The following IL1RL2 variants were observed in gnomAD, a reference collection of about 807,000 sequenced individuals.
IL1RL2 encodes interleukin-1 receptor-like 2.
IL1RL2 carries 68 observed loss-of-function variants against 66.8 expected under a neutral mutation model. The observed-to-expected ratio is 1.02, with a 90% CI of 0.84 to 1.25. IL1RL2 has a LOEUF of 1.25. IL1RL2 is among the 50% of genes most tolerant of loss of function. IL1RL2 has a pLI of 0.00. For synonymous variants in IL1RL2, 305 were observed against 264.6 expected, an observed-to-expected ratio of 1.15 and a Z score of -1.48; for missense variants, 729 against 709.3, an observed-to-expected ratio of 1.03 and a Z score of -0.32.
downstream of IL1RL2, among the ~76,000 whole-genome samples, chr2:102,240,254 G>A (rs2104917548): frequency 1.3e-5 from 2 of 151,660 alleles, no homozygotes; most frequent in Middle Eastern, 3.5e-3. Context: ...CTTAGTAGAT[G>A]GACTGTTTCT....
In IL1RL2 at chr2:102,225,965, G is replaced by T; in HGVS notation, c.1059G>T (p.Val353=). ...IALVAVAVSV[V]YIYNIFKIDI... ...TGGTGGCTGTGGCTGTGTCTGTTGTGTACATATACAACATTTTTAAGATCG... is the reference window on the plus strand; with the variant it reads ...TGGTGGCTGTGGCTGTGTCTGTTGTTTACATATACAACATTTTTAAGATCG... The change falls in exon 9 of 12, where the codon GTG becomes GTT. Residue 353 remains valine, a synonymous_variant. Transcript: ENST00000264257. 1 of 1,610,616 alleles carries T rather than the reference G, an allele frequency of 6.2e-7. No homozygotes were observed. The highest frequency in any genetic ancestry group is 2.2e-5 in the East Asian group (1 of 44,624).
At chr2:102,229,423 G>T (rs564483840) in intron 9 of IL1RL2, among the ~76,000 whole-genome samples, 1 of 152,196 alleles carries the variant, frequency 6.6e-6, no homozygotes, top group Non-Finnish European at 1.5e-5. Context: ...CACAGCAAAA[G>T]GAGCGGTGGA....
rs372879101 is a variant in IL1RL2 at position 102,235,115 on chromosome 2, C to G, written c.1516C>G (p.Gln506Glu). The G allele has an allele frequency of 1.9e-6, 3 of 1,614,128 alleles. No individual in the cohort carries two copies. Among genetic ancestry groups the G allele is most frequent in the Non-Finnish European group, 1.7e-6 (2 of 1,180,058 alleles). The part of the protein sequence containing the change: ...VMPESIQYIK[Q>E]KHGAIRWHGD... Reference sequence around the variant, plus strand: ...GCCAGAGTCAATTCAGTACATCAAACAGAAGCATGGTGCCATCCGGTGGCA... The same window carrying G: ...GCCAGAGTCAATTCAGTACATCAAAGAGAAGCATGGTGCCATCCGGTGGCA... Residue 506 changes from glutamine (Q) to glutamate (E), a missense_variant, in exon 11 of 12, where the codon CAG becomes GAG. Coordinates refer to ENST00000264257, the MANE Select transcript of IL1RL2 (RefSeq NM_003854.4).
chr2:102,241,013 C>A (rs756683622), downstream of IL1RL2, among the ~76,000 whole-genome samples: 16 of 152,262 alleles, frequency 1.1e-4, no homozygotes, highest in Non-Finnish European at 2.4e-4. Context: ...CCTCTAGTGG[C>A]TGCTGAGGAA....
intron 6 of IL1RL2, among the ~76,000 whole-genome samples, chr2:102,217,080 T>C (rs1689676123): frequency 6.6e-6 from 1 of 152,192 alleles, no homozygotes; most frequent in Admixed American, 6.5e-5. Flanking sequence ...CATGTTTTTA[T>C]GATGGTAATT....
chr2:102,190,945 G>A (rs111329450), intron 3 of IL1RL2, among the ~76,000 whole-genome samples: 107 of 152,262 alleles, frequency 7.0e-4, no homozygotes, highest in African/African-American at 2.5e-3. Flanking sequence ...GATAGGATAC[G>A]TGTTTAGGAA....
At chr2:102,231,778 G>A (rs1331994066) in intron 9 of IL1RL2, among the ~76,000 whole-genome samples, 2 of 152,124 alleles carry the variant, frequency 1.3e-5, no homozygotes, top group Non-Finnish European at 2.9e-5. Context: ...ATGCGCCATT[G>A]GGTTTGACTT....
At chr2:102,220,679 A>ATGTGTGTGTGTGTG (rs3074966) in intron 8 of IL1RL2, among the ~76,000 whole-genome samples, 1 of 150,332 alleles carries the variant, frequency 6.7e-6, no homozygotes, top group African/African-American at 2.4e-5. Context: ...TCATTAGTGT[A>ATGTGTGTGTGTGTG]TGTGTGTGTG....
chr2:102,237,699 A>G (rs1675003057), intron 11 of IL1RL2, among the ~76,000 whole-genome samples: 1 of 152,204 alleles, frequency 6.6e-6, no homozygotes, highest in Non-Finnish European at 1.5e-5. Flanking sequence ...TAGGGATGCA[A>G]TGCAGCAAGA....
intron 4 of IL1RL2, among the ~76,000 whole-genome samples, chr2:102,200,789 G>T (rs1030608969): frequency 3.0e-4 from 45 of 152,176 alleles, no homozygotes; most frequent in Middle Eastern, 6.8e-3. Context: ...GGTGGTTGCT[G>T]GGAGAGAAAG....
intron 6 of IL1RL2, among the ~76,000 whole-genome samples, chr2:102,215,871 G>T (rs969227138): frequency 6.6e-6 from 1 of 152,174 alleles, no homozygotes; most frequent in Non-Finnish European, 1.5e-5. Flanking sequence ...TACAGAAAAA[G>T]TCTTTCTCTA....
intron 4 of IL1RL2, among the ~76,000 whole-genome samples, chr2:102,201,318 C>A (rs1688233016): frequency 6.6e-6 from 1 of 152,142 alleles, no homozygotes; most frequent in Non-Finnish European, 1.5e-5. Context: ...TATATACACA[C>A]ACATGCACAT....
At chr2:102,225,360 C>A (rs957445199) in intron 8 of IL1RL2, among the ~76,000 whole-genome samples, 1 of 152,240 alleles carries the variant, frequency 6.6e-6, no homozygotes, top group Non-Finnish European at 1.5e-5. Flanking sequence ...TGGCTCTTGG[C>A]CTGTCTTGTG....
chr2:102,192,259 A>G, intron 4 of IL1RL2, 139 bp downstream of exon 4: 1 of 532,718 alleles, frequency 1.9e-6, no homozygotes, highest in Non-Finnish European at 3.3e-6. Flanking sequence ...GCTAGCAGTC[A>G]TTGATAACGT....
At chr2:102,211,854 T>C (rs937773393) in intron 5 of IL1RL2, among the ~76,000 whole-genome samples, 1 of 152,206 alleles carries the variant, frequency 6.6e-6, no homozygotes, top group African/African-American at 2.4e-5. Context: ...ATAAAGAATA[T>C]AGTTTATGGT....
rs1453005430 is a variant in IL1RL2 at position 102,189,098 on chromosome 2, G to T, written c.81G>T (p.Met27Ile). 1.2e-6 allele frequency: 2 copies of T among 1,613,204 alleles called. No individual in the cohort carries two copies. The highest frequency in any genetic ancestry group is 1.7e-6 in the Non-Finnish European group (2 of 1,179,456). ...VTADGCKDIF[M>I]KNEILSASQP... ...TAGATGGATGCAAGGACATTTTTAT[G>T]AAAAATGAGATACTTTCAGCAAGCC... The change falls in exon 3 of 12, where the codon ATG becomes ATT. Residue 27 changes from methionine to isoleucine, a missense_variant. Met to Ile is a conservative substitution (Grantham distance 10). Transcript: ENST00000264257.
chr2:102,229,590 C>T (rs34545418), intron 9 of IL1RL2, among the ~76,000 whole-genome samples: 5,391 of 152,220 alleles, frequency 0.035, 212 homozygotes, highest in African/African-American at 0.11. Flanking sequence ...GTTGAGGTGC[C>T]GTTGCCTGGC....
intron 5 of IL1RL2, among the ~76,000 whole-genome samples, chr2:102,202,980 G>A (rs952921670): frequency 3.9e-5 from 6 of 152,080 alleles, no homozygotes; most frequent in African/African-American, 4.8e-5. Context: ...AAAGGCTTTC[G>A]GTTTTTCCCC....
chr2:102,230,120 TG>T (rs1690989042), intron 9 of IL1RL2, among the ~76,000 whole-genome samples: 1 of 152,232 alleles, frequency 6.6e-6, no homozygotes, highest in Non-Finnish European at 1.5e-5. Context: ...GGTTATTCTC[TG>T]TGGTGAACCG....
Sources: gnomAD v4.1 joint callset for allele counts (sites outside exome capture counted in the v4.1 genomes callset) on GRCh38, gnomAD v4.1.1 for gene constraint, MANE v1.5 for transcripts, NCBI Gene and HGNC (gene_info 2026-07-23, HGNC 2026-07-21) for gene names.